The following SSBP2 variants were observed in gnomAD, a reference collection of about 807,000 sequenced individuals.
SSBP2 encodes single-stranded DNA-binding protein 2.
A neutral mutation model predicts 61.8 loss-of-function variants in SSBP2; 17 were observed. The observed-to-expected ratio is 0.28, with a 90% CI of 0.19 to 0.41. The LOEUF (loss-of-function observed/expected upper bound fraction) is 0.41, where lower values mean the gene tolerates loss of function less well. Among genes scored for constraint, SSBP2 ranks in the 10% least tolerant of loss-of-function variants. SSBP2 has a pLI of 1.00. For synonymous variants in SSBP2, 139 were observed against 141.3 expected (o/e 0.98, Z 0.12); for missense variants, 310 against 458.7 (o/e 0.68, Z 2.96).
intron 1 of SSBP2, among the ~76,000 whole-genome samples, chr5:81,653,191 T>TGTG (rs1183274361): frequency 1.3e-5 from 2 of 152,042 alleles, no homozygotes. Flanking sequence ...ACTGAGAACA[T>TGTG]GTGGTGTTTG....
intron 1 of SSBP2, among the ~76,000 whole-genome samples, chr5:81,709,482 A>G (rs572464482): frequency 4.0e-4 from 61 of 152,078 alleles, no homozygotes; most frequent in Middle Eastern, 6.8e-3. Flanking sequence ...ATTCCTGAAT[A>G]ATATCTTAAT....
chr5:81,670,075 C>T (rs913809538), intron 1 of SSBP2, among the ~76,000 whole-genome samples: 1 of 152,090 alleles, frequency 6.6e-6, no homozygotes, highest in Non-Finnish European at 1.5e-5. Flanking sequence ...TTGTATGCTA[C>T]TACAATGGTA....
intron 15 of SSBP2, among the ~76,000 whole-genome samples, chr5:81,431,664 A>G (rs1762301998): frequency 6.6e-6 from 1 of 151,950 alleles, no homozygotes; most frequent in Non-Finnish European, 1.5e-5. Flanking sequence ...AGCTCATTGC[A>G]GCCTTGGACT....
At chr5:81,568,049 AG>A (rs1773569184) in intron 4 of SSBP2, among the ~76,000 whole-genome samples, 1 of 152,082 alleles carries the variant, frequency 6.6e-6, no homozygotes, top group Admixed American at 6.5e-5. Context: ...TGGACTTTTG[AG>A]TTAATGTTGA....
chr5:81,443,864 T>G (rs1043106893), intron 12 of SSBP2, among the ~76,000 whole-genome samples: 2 of 152,156 alleles, frequency 1.3e-5, no homozygotes, highest in South Asian at 2.1e-4. Context: ...GCCCCGCCAG[T>G]AGGCCCATTT....
chr5:81,519,585 T>G (rs558567736), intron 4 of SSBP2, among the ~76,000 whole-genome samples: 3 of 152,282 alleles, frequency 2.0e-5, no homozygotes, highest in African/African-American at 7.2e-5. Context: ...CTTAAGATCT[T>G]GTTTGTAATG....
chr5:81,682,501 A>G (rs1465505312), intron 1 of SSBP2, among the ~76,000 whole-genome samples: 1 of 152,220 alleles, frequency 6.6e-6, no homozygotes, highest in Non-Finnish European at 1.5e-5. Context: ...AACTCTGAGT[A>G]ACCTAGAAAT....
chr5:81,475,061 A>G (rs983315208), intron 6 of SSBP2, among the ~76,000 whole-genome samples: 3 of 152,268 alleles, frequency 2.0e-5, no homozygotes, highest in Admixed American at 6.5e-5. Flanking sequence ...AATAAAAATA[A>G]ATTAAGCAAT....
chr5:81,475,256 T>A (rs1459427835), intron 6 of SSBP2, among the ~76,000 whole-genome samples: 1 of 152,144 alleles, frequency 6.6e-6, no homozygotes, highest in South Asian at 2.1e-4. Context: ...CACATATACA[T>A]AAAATCCTGA....
chr5:81,536,812 G>C (rs1770838259), intron 4 of SSBP2, among the ~76,000 whole-genome samples: 1 of 152,038 alleles, frequency 6.6e-6, no homozygotes, highest in African/African-American at 2.4e-5. Context: ...ATGAGGTCAG[G>C]AAATCAAGAC....
chr5:81,423,752 A>AAG (rs1427655182), intron 16 of SSBP2, among the ~76,000 whole-genome samples: 1 of 152,150 alleles, frequency 6.6e-6, no homozygotes, highest in African/African-American at 2.4e-5. Flanking sequence ...CTCAAAAAAA[A>AAG]AAAAATTATT....
At chr5:81,640,548 G>A (rs1748691832) in intron 2 of SSBP2, among the ~76,000 whole-genome samples, 1 of 151,942 alleles carries the variant, frequency 6.6e-6, no homozygotes, top group Non-Finnish European at 1.5e-5. Flanking sequence ...TCTTTTATCT[G>A]ATAATTTCAG....
At chr5:81,502,315 A>C (rs1042106324) in intron 5 of SSBP2, among the ~76,000 whole-genome samples, 8 of 152,168 alleles carry the variant, frequency 5.3e-5, no homozygotes, top group Non-Finnish European at 8.8e-5. Flanking sequence ...TTTGGCTTCC[A>C]GCATACTTCC....
intron 6 of SSBP2, among the ~76,000 whole-genome samples, chr5:81,488,041 A>AT (rs1345265177): frequency 8.4e-5 from 3 of 35,504 alleles, no homozygotes; most frequent in Non-Finnish European, 1.4e-4. Context: ...ATATATATAT[A>AT]TATATATATA....
At chr5:81,691,952 A>C (rs1183105797) in intron 1 of SSBP2, among the ~76,000 whole-genome samples, 1 of 152,114 alleles carries the variant, frequency 6.6e-6, no homozygotes, top group Non-Finnish European at 1.5e-5. Flanking sequence ...TCTGGAACTC[A>C]ACAAGGATGC....
chr5:81,538,328 AAG>A (rs1162144329), intron 4 of SSBP2, among the ~76,000 whole-genome samples: 1 of 152,160 alleles, frequency 6.6e-6, no homozygotes, highest in African/African-American at 2.4e-5. Context: ...ATTGAGTGGT[AAG>A]AGAGCAGCAG....
At chr5:81,556,633 C>T (rs1772629135) in intron 4 of SSBP2, among the ~76,000 whole-genome samples, 1 of 152,086 alleles carries the variant, frequency 6.6e-6, no homozygotes, top group Non-Finnish European at 1.5e-5. Flanking sequence ...GGATCCTATT[C>T]CCTACTGCCT....
chr5:81,510,590 G>A, intron 5 of SSBP2, among the ~76,000 whole-genome samples: 1 of 151,996 alleles, frequency 6.6e-6, no homozygotes, highest in East Asian at 1.9e-4. Context: ...GGGAAACCCT[G>A]TCTCTACTAA....
intron 1 of SSBP2, among the ~76,000 whole-genome samples, chr5:81,682,733 T>A (rs1752489773): frequency 6.6e-6 from 1 of 152,064 alleles, no homozygotes; most frequent in Non-Finnish European, 1.5e-5. Flanking sequence ...CTGTCTTTGT[T>A]CACAGATGAC....
Sources: allele counts gnomAD v4.1 joint callset (sites outside exome capture counted in the v4.1 genomes callset), GRCh38; gene constraint gnomAD v4.1.1; transcripts MANE v1.5; gene names NCBI Gene and HGNC (gene_info 2026-07-23, HGNC 2026-07-21).